EPC2: variants seen among roughly 807,000 people sequenced by gnomAD.
EPC2 encodes enhancer of polycomb 2.
In EPC2, 14 loss-of-function variants were observed where a neutral mutation model predicts 92.1. The observed-to-expected ratio is 0.15, with a 90% CI of 0.10 to 0.24. The LOEUF is 0.24. Among genes scored for constraint, EPC2 ranks in the 10% least tolerant of loss-of-function variants. The pLI, the probability that EPC2 is intolerant of heterozygous loss-of-function variation, is 1.00. For missense variants in EPC2, 755 were observed against 971.5 expected, an observed-to-expected ratio of 0.78 and a Z score of 2.96; for synonymous variants, 340 against 334.7, an observed-to-expected ratio of 1.02 and a Z score of -0.17.
intron 1 of EPC2, among the ~76,000 whole-genome samples, chr2:148,676,359 A>G (rs555754773): frequency 7.4e-4 from 112 of 152,042 alleles, no homozygotes; most frequent in Non-Finnish European, 1.1e-3. Context: ...CAGAATGTCA[A>G]AGTACCTATA....
In EPC2 at chr2:148,656,380, CA is replaced by C. The variant is rs1436186234; in HGVS notation, c.153+11216del. Among the ~76,000 whole-genome samples the C allele has an allele frequency of 1.4e-5, 2 of 148,072 alleles. 1 individual carries two copies. The highest frequency in any genetic ancestry group is 4.9e-5 in the African/African-American group (2 of 41,034). ...AGTGCTTGTATTCCTATTTTTATAC[CA>C]AAAAAGTCAGATTAATTATTAAAAA... On this transcript the variant is annotated intron_variant, in intron 1 of 13. Coordinates refer to ENST00000258484, the MANE Select transcript of EPC2 (RefSeq NM_015630.4).
chr2:148,697,051 T>C (rs1301960650), intron 2 of EPC2, among the ~76,000 whole-genome samples: 1 of 152,238 alleles, frequency 6.6e-6, no homozygotes, highest in African/African-American at 2.4e-5. Context: ...AAGCCAATTA[T>C]TGCTCAAAGG....
chr2:148,761,746 T>C (rs1370079829), intron 4 of EPC2, 36 bp from the exon 5 acceptor site: 2 of 1,347,234 alleles, frequency 1.5e-6, no homozygotes, highest in South Asian at 3.0e-5. Context: ...TAGATAACTG[T>C]GTTGTTTATT....
chr2:148,729,315 A>AT (rs893021978), intron 2 of EPC2, among the ~76,000 whole-genome samples: 197 of 152,026 alleles, frequency 1.3e-3, no homozygotes, highest in African/African-American at 4.4e-3. Context: ...TCAGAGTAGT[A>AT]TTTTTTTTAA....
intron 2 of EPC2, among the ~76,000 whole-genome samples, chr2:148,712,865 A>G (rs1347151767): frequency 6.6e-6 from 1 of 152,076 alleles, no homozygotes; most frequent in Non-Finnish European, 1.5e-5. Context: ...TCTGGGCAAC[A>G]TTGTGAGATC....
In EPC2 at chr2:148,754,125, A is replaced by G; in HGVS notation, c.658A>G (p.Thr220Ala). Reference protein sequence around the residue: ...AFRRRTEKMQTRKNRKNDEAS... With the variant: ...AFRRRTEKMQARKNRKNDEAS... ...TCGGAGAAGAACAGAGAAAATGCAAACTCGAAAGGTAATGTGCAAATTAGG... is the reference window on the plus strand; with the variant it reads ...TCGGAGAAGAACAGAGAAAATGCAAGCTCGAAAGGTAATGTGCAAATTAGG... The change falls in exon 4 of 14, where the codon ACT becomes GCT. Residue 220 changes from threonine (T) to alanine (A), a missense_variant. Around this residue, in one of 4 missense-constraint regions of EPC2, gnomAD observed 509 missense variants for 607.7 expected, o/e 0.84. Transcript: ENST00000258484. 1 of 1,597,224 alleles carries G rather than the reference A, an allele frequency of 6.3e-7. No homozygotes were observed. The highest frequency in any genetic ancestry group is 8.5e-7 in the Non-Finnish European group (1 of 1,171,632).
chr2:148,645,027 C>T lies in EPC2; in HGVS notation c.10C>T (p.Leu4Phe). 1 of 1,531,416 alleles carries T rather than the reference C, an allele frequency of 6.5e-7. No homozygotes were observed. Among genetic ancestry groups the T allele is most frequent in the Non-Finnish European group, 8.8e-7 (1 of 1,134,554 alleles). 94.9% of individuals were successfully genotyped at this position (1,531,416 alleles called of 1,614,324 possible). Reference protein sequence around the residue: MSKLSFRARALDAA... With the variant: MSKFSFRARALDAA... ...GTAAGGCGGGGAGACAATGAGTAAA[C>T]TCTCCTTCCGAGCGCGGGCGCTGGA... The change falls in exon 1 of 14, where the codon CTC becomes TTC. Residue 4 changes from leucine (L) to phenylalanine (F), a missense_variant. Physicochemically the swap from Leu to Phe is conservative, Grantham distance 22 (BLOSUM62 0). Around this residue, in one of 4 missense-constraint regions of EPC2, gnomAD observed 36 missense variants for 84.0 expected, o/e 0.43. Transcript: ENST00000258484.
chr2:148,732,922 A>G (rs1162040000), intron 2 of EPC2, among the ~76,000 whole-genome samples: 1 of 145,374 alleles, frequency 6.9e-6, no homozygotes, highest in Non-Finnish European at 1.5e-5. Flanking sequence ...ATAATGGTCA[A>G]TTCTAAATAT....
rs988853478 is a variant in EPC2, at chr2:148,786,571, A to G, written c.*194A>G. On this transcript the variant is annotated 3_prime_UTR_variant, in exon 14 of 14. Coordinates refer to ENST00000258484, the MANE Select transcript of EPC2 (RefSeq NM_015630.4). ...AAATCACTACCTTGTAAAATAGTTT[A>G]TTTGTATCATCAATATTATTTCTGT... 3 of 454,060 alleles carry G rather than the reference A, an allele frequency of 6.6e-6. No homozygotes were observed. The highest frequency in any genetic ancestry group is 1.2e-5 in the Non-Finnish European group (3 of 249,928). 28.1% of individuals were successfully genotyped at this position (454,060 alleles called of 1,614,324 possible).
chr2:148,653,471 G>A (rs1465899581), intron 1 of EPC2, among the ~76,000 whole-genome samples: 1 of 152,188 alleles, frequency 6.6e-6, no homozygotes, highest in Non-Finnish European at 1.5e-5. Flanking sequence ...ATGGGACAGA[G>A]CTTTAAATTT....
intron 6 of EPC2, 69 bp from the exon 7 acceptor site, chr2:148,764,886 A>G: frequency 2.5e-6 from 3 of 1,182,220 alleles, no homozygotes; most frequent in Non-Finnish European, 2.2e-6. Flanking sequence ...AAAGAGCAGT[A>G]TAGTTTTTCA....
At chr2:148,657,337 A>C (rs1220577435) in intron 1 of EPC2, among the ~76,000 whole-genome samples, 3 of 152,138 alleles carry the variant, frequency 2.0e-5, no homozygotes, top group Non-Finnish European at 4.4e-5. Flanking sequence ...AGTTTATTTG[A>C]AATAGCCTAG....
At chr2:148,713,989 A>G (rs1161613304) in intron 2 of EPC2, among the ~76,000 whole-genome samples, 1 of 152,106 alleles carries the variant, frequency 6.6e-6, no homozygotes, top group Non-Finnish European at 1.5e-5. Flanking sequence ...AGCTGCACAG[A>G]TCATTCCATC....
chr2:148,691,545 A>G (rs1574585182), intron 2 of EPC2: 1 of 1,550,472 alleles, frequency 6.4e-7, no homozygotes, highest in East Asian at 2.4e-5. Flanking sequence ...TTTGCAGTGA[A>G]ATTGCATCTT....
intron 1 of EPC2, among the ~76,000 whole-genome samples, chr2:148,682,558 A>G (rs1312794361): frequency 2.6e-5 from 4 of 152,214 alleles, no homozygotes; most frequent in African/African-American, 7.2e-5. Context: ...TTATTATTGT[A>G]TAGAGTTTTT....
At chr2:148,704,236 A>G (rs909510432) in intron 2 of EPC2, among the ~76,000 whole-genome samples, 8 of 152,260 alleles carry the variant, frequency 5.3e-5, no homozygotes, top group African/African-American at 9.6e-5. Flanking sequence ...GCAGTGACAC[A>G]TGGTTACAAT....
At chr2:148,687,378 G>A (rs1010129839) in intron 1 of EPC2, among the ~76,000 whole-genome samples, 3 of 152,162 alleles carry the variant, frequency 2.0e-5, no homozygotes, top group Non-Finnish European at 4.4e-5. Context: ...GTTTTGCTTC[G>A]TTATTATTTG....
chr2:148,768,076 C>G (rs1683450187), intron 7 of EPC2, among the ~76,000 whole-genome samples: 1 of 152,100 alleles, frequency 6.6e-6, no homozygotes, highest in Admixed American at 6.5e-5. Context: ...CCTGGATGAC[C>G]CTGCTCAGTG....
At chr2:148,713,278 G>A (rs1440161761) in intron 2 of EPC2, among the ~76,000 whole-genome samples, 1 of 152,174 alleles carries the variant, frequency 6.6e-6, no homozygotes, top group Non-Finnish European at 1.5e-5. Context: ...ATGGAAGACA[G>A]TGATAATGAT....
Sources: gnomAD v4.1 joint callset for allele counts (sites outside exome capture counted in the v4.1 genomes callset) on GRCh38, gnomAD v4.1.1 for gene constraint, gnomAD v4.1.1 regional missense constraint, MANE v1.5 for transcripts, NCBI Gene and HGNC (gene_info 2026-07-23, HGNC 2026-07-21) for gene names.